PITPNC1: variants seen among roughly 807,000 people sequenced by gnomAD.
PITPNC1 encodes the protein phosphatidylinositol transfer protein cytoplasmic 1.
A neutral mutation model predicts 44.7 loss-of-function variants in PITPNC1; 18 were observed. The observed-to-expected ratio is 0.40, with a 90% CI of 0.28 to 0.60. PITPNC1 has a LOEUF of 0.60. Among genes scored for constraint, PITPNC1 ranks in the 20% least tolerant of loss-of-function variants. PITPNC1 has a pLI of 0.39. For missense variants in PITPNC1, 290 were observed against 418.4 expected, an observed-to-expected ratio of 0.69 and a Z score of 2.68; for synonymous variants, 141 against 149.6, an observed-to-expected ratio of 0.94 and a Z score of 0.42.
intron 1 of PITPNC1, among the ~76,000 whole-genome samples, chr17:67,481,525 T>G (rs998375003): frequency 3.3e-5 from 5 of 152,162 alleles, no homozygotes; most frequent in African/African-American, 1.2e-4. Context: ...TTTTTTTAGA[T>G]ATGAGGTCTT....
chr17:67,590,837 C>T (rs1214236860), intron 5 of PITPNC1, among the ~76,000 whole-genome samples: 1 of 151,882 alleles, frequency 6.6e-6, no homozygotes, highest in African/African-American at 2.4e-5. Flanking sequence ...CCTGTAATCC[C>T]AGCTACTGGG....
intron 5 of PITPNC1, among the ~76,000 whole-genome samples, chr17:67,618,551 G>T (rs142301071): frequency 0.012 from 1,797 of 151,424 alleles, 20 homozygotes; most frequent in Non-Finnish European, 0.018. Flanking sequence ...AGGAGTTAAA[G>T]ACCAGCCTGG....
intron 4 of PITPNC1, among the ~76,000 whole-genome samples, chr17:67,570,873 T>C (rs2041046235): frequency 6.6e-6 from 1 of 152,092 alleles, no homozygotes; most frequent in Non-Finnish European, 1.5e-5. Flanking sequence ...ACAAGCTTGC[T>C]GACATCAGTT....
At chr17:67,510,551 C>T (rs2040171883) in intron 1 of PITPNC1, among the ~76,000 whole-genome samples, 1 of 152,224 alleles carries the variant, frequency 6.6e-6, no homozygotes, top group Admixed American at 6.5e-5. Flanking sequence ...CCTTGACCGC[C>T]TCGGCCTCCC....
intron 1 of PITPNC1, among the ~76,000 whole-genome samples, chr17:67,413,401 TTTTCTTTCTTTCTTTC>T (rs151166964): frequency 1.4e-5 from 2 of 145,400 alleles, no homozygotes; most frequent in Non-Finnish European, 3.0e-5. Context: ...ATGTGCTTAA[TTTTCTTTCTTTCTTTC>T]TTTCTTTCTT....
intron 8 of PITPNC1, chr17:67,686,944 A>G (rs2042826701): frequency 1.6e-6 from 1 of 644,414 alleles, no homozygotes; most frequent in African/African-American, 1.8e-5. Context: ...TCATAAAGTT[A>G]GACAAGTCTC....
At chr17:67,431,377 C>A (rs908060335) in intron 1 of PITPNC1, among the ~76,000 whole-genome samples, 3 of 151,998 alleles carry the variant, frequency 2.0e-5, no homozygotes, top group Admixed American at 6.6e-5. Flanking sequence ...GTCTTACCTA[C>A]GGCTTTCCCC....
intron 2 of PITPNC1, among the ~76,000 whole-genome samples, chr17:67,534,278 G>T (rs898600292): frequency 5.9e-5 from 9 of 152,108 alleles, no homozygotes; most frequent in Non-Finnish European, 1.2e-4. Flanking sequence ...CTCCTATCCA[G>T]CCCATTTCTT....
chr17:67,484,162 C>T (rs943349323), intron 1 of PITPNC1, among the ~76,000 whole-genome samples: 7 of 152,108 alleles, frequency 4.6e-5, no homozygotes, highest in African/African-American at 1.7e-4. Context: ...AGATGATCCG[C>T]CTGCCTTGGC....
At chr17:67,671,872 G>A (rs2144404752) in intron 7 of PITPNC1, among the ~76,000 whole-genome samples, 1 of 152,166 alleles carries the variant, frequency 6.6e-6, no homozygotes, top group Admixed American at 6.5e-5. Flanking sequence ...ATCCCTTTTT[G>A]TGTGTGGCTT....
At chr17:67,470,111 T>C (rs904546786) in intron 1 of PITPNC1, among the ~76,000 whole-genome samples, 1 of 152,036 alleles carries the variant, frequency 6.6e-6, no homozygotes, top group African/African-American at 2.4e-5. Context: ...TTAGTAGAGA[T>C]GGGGTTTCAC....
intron 1 of PITPNC1, among the ~76,000 whole-genome samples, chr17:67,387,431 C>T (rs915728066): frequency 5.3e-5 from 8 of 152,176 alleles, no homozygotes; most frequent in African/African-American, 1.7e-4. Flanking sequence ...TTTGGGGTGC[C>T]GAGGCAGACG....
chr17:67,619,894 G>A (rs1305684936), intron 5 of PITPNC1, among the ~76,000 whole-genome samples: 2 of 152,080 alleles, frequency 1.3e-5, no homozygotes, highest in Non-Finnish European at 2.9e-5. Context: ...ACCCCTGAGA[G>A]CTTGACCATG....
chr17:67,647,483 TTTTTTTTTTTG>T, intron 6 of PITPNC1, among the ~76,000 whole-genome samples: 2 of 136,020 alleles, frequency 1.5e-5, no homozygotes, highest in African/African-American at 2.9e-5. Context: ...TTTTTTTTTT[TTTTTTTTTTTG>T]TAGAGACGGG....
intron 4 of PITPNC1, among the ~76,000 whole-genome samples, chr17:67,563,818 C>T (rs2040937030): frequency 6.6e-6 from 1 of 151,960 alleles, no homozygotes; most frequent in Non-Finnish European, 1.5e-5. Flanking sequence ...CTTAGTGGTG[C>T]TTATATTAGT....
intron 2 of PITPNC1, among the ~76,000 whole-genome samples, chr17:67,544,070 C>T (rs567781650): frequency 1.6e-4 from 25 of 152,290 alleles, no homozygotes; most frequent in African/African-American, 3.1e-4. Flanking sequence ...AGGCTGGTCT[C>T]GAACTCCTGA....
intron 5 of PITPNC1, among the ~76,000 whole-genome samples, chr17:67,607,177 C>T (rs903211548): frequency 1.3e-5 from 2 of 152,188 alleles, no homozygotes; most frequent in Admixed American, 1.3e-4. Flanking sequence ...TGGAAGTCTC[C>T]CTACTGGCAG....
At chr17:67,412,753 G>A (rs1383502145) in intron 1 of PITPNC1, among the ~76,000 whole-genome samples, 1 of 151,964 alleles carries the variant, frequency 6.6e-6, no homozygotes, top group Admixed American at 6.6e-5. Context: ...TTTATTAGAG[G>A]CGGGGTTTCT....
chr17:67,561,417 T>C (rs969864690), intron 4 of PITPNC1, among the ~76,000 whole-genome samples: 2 of 151,712 alleles, frequency 1.3e-5, no homozygotes, highest in Admixed American at 1.3e-4. Flanking sequence ...TATCTCACCA[T>C]TGCACTCCAG....
Sources: allele counts gnomAD v4.1 joint callset (sites outside exome capture counted in the v4.1 genomes callset), GRCh38; gene constraint gnomAD v4.1.1; transcripts MANE v1.5; gene names NCBI Gene and HGNC (gene_info 2026-07-23, HGNC 2026-07-21).